The following ARHGAP35 variants were observed in gnomAD, a reference collection of about 807,000 sequenced individuals.
ARHGAP35 encodes Rho GTPase activating protein 35, also known as rho GTPase-activating protein 35.
In ARHGAP35, 15 loss-of-function variants were observed where a neutral mutation model predicts 111.1. The ratio of observed to expected loss-of-function variants is 0.13; its 90% confidence interval spans 0.09 to 0.21. ARHGAP35 has a LOEUF of 0.21. ARHGAP35 is among the 10% of genes least tolerant of loss of function. ARHGAP35 has a pLI of 1.00. For synonymous variants in ARHGAP35, 643 were observed against 710.3 expected, an observed-to-expected ratio of 0.91 and a Z score of 1.51; for missense variants, 1,262 against 1,873.0, an observed-to-expected ratio of 0.67 and a Z score of 6.02.
At chr19:46,935,207 C>G (rs2056300386) in intron 2 of ARHGAP35, among the ~76,000 whole-genome samples, 1 of 152,212 alleles carries the variant, frequency 6.6e-6, no homozygotes, top group Admixed American at 6.5e-5. Context: ...GAGCAGGTAT[C>G]TCACAGTGAG....
chr19:46,909,474 C>A (rs1478654170), intron 1 of ARHGAP35, among the ~76,000 whole-genome samples: 1 of 152,088 alleles, frequency 6.6e-6, no homozygotes, highest in Admixed American at 6.6e-5. Flanking sequence ...AATCAATATC[C>A]AAGAATCTGT....
chr19:46,999,592 C>A lies in ARHGAP35; in HGVS notation c.4142+183C>A. On this transcript the variant is annotated intron_variant, in intron 6 of 6. Coordinates refer to ENST00000672722, the MANE Select transcript of ARHGAP35 (RefSeq NM_004491.5). This position sits in a 1 kb window ranked among gnomAD's most constrained non-coding sequence, Gnocchi z 5.4. The stretch of plus-strand genomic sequence containing the variant: ...GTGCCCAGAGCCTCTGCCTCTCGCC[C>A]ATCCTCAGGCCTCCCTCCTGCTCCT... The A allele has an allele frequency of 3.4e-6, 2 of 589,656 alleles. No individual in the cohort carries two copies. The highest frequency in any genetic ancestry group is 6.0e-6 in the Non-Finnish European group (2 of 332,066). 36.5% of individuals were successfully genotyped at this position (589,656 alleles called of 1,614,324 possible). A position where few individuals can be genotyped will look rare whatever the true frequency, so the allele number is the denominator to read the frequency against.
At position 46,920,205 on chromosome 19, in the gene ARHGAP35, T is replaced by G. The variant is rs867491372; in HGVS notation, c.1530T>G (p.Ala510=). ...TGTTTTATGAACTGGAGCTGGATGC[T>G]AAGCCCAGCAAGGAGAAGATGGGTG... is the stretch of plus-strand genomic sequence containing the variant. ...SELFYELELD[A]KPSKEKMGVI... The change falls in exon 2 of 7, where the codon GCT becomes GCG. Residue 510 remains alanine, a synonymous_variant. Transcript: ENST00000672722. The surrounding 1 kb of genome is among the most constrained non-coding windows in gnomAD (Gnocchi z 7.0). 1 of 1,613,950 alleles carries G rather than the reference T, an allele frequency of 6.2e-7. No individual in the cohort carries two copies. Among genetic ancestry groups the G allele is most frequent in the Middle Eastern group, 1.6e-4 (1 of 6,062 alleles).
chr19:46,888,106 C>T (rs568916719), intron 1 of ARHGAP35, among the ~76,000 whole-genome samples: 12 of 150,310 alleles, frequency 8.0e-5, no homozygotes, highest in African/African-American at 2.9e-4. Context: ...CGCCCGCCAC[C>T]ACGCCTGGCT....
chr19:46,944,609 G>A (rs541200070), intron 3 of ARHGAP35, among the ~76,000 whole-genome samples: 1 of 152,270 alleles, frequency 6.6e-6, no homozygotes, highest in East Asian at 1.9e-4. Context: ...TGCAAGAGCT[G>A]GTATGAGAGG....
chr19:46,894,193 C>T (rs961505720), intron 1 of ARHGAP35, among the ~76,000 whole-genome samples: 1 of 152,082 alleles, frequency 6.6e-6, no homozygotes, highest in Non-Finnish European at 1.5e-5. Context: ...AATTATTTTC[C>T]ACACTACTTG....
In ARHGAP35 at chr19:46,993,324, G is replaced by A. The variant is rs2056689262; in HGVS notation, c.4036+3649G>A. ...TCCTGGCGATGCAGGCGTGCAGATG[G>A]TCAGCGGCGGCCAGCAGGGACTTTC... is the stretch of plus-strand genomic sequence containing the variant. On this transcript the variant is annotated intron_variant, in intron 5 of 6. Transcript: ENST00000672722. This position sits in a 1 kb window ranked among gnomAD's most constrained non-coding sequence, Gnocchi z 4.6. Among the ~76,000 whole-genome samples the A allele has an allele frequency of 6.6e-6, 1 of 152,238 alleles. No homozygotes were observed. Among genetic ancestry groups the A allele is most frequent in the Non-Finnish European group, 1.5e-5 (1 of 68,040 alleles).
chr19:46,990,202 C>T (rs1235153545), intron 5 of ARHGAP35, among the ~76,000 whole-genome samples: 1 of 152,216 alleles, frequency 6.6e-6, no homozygotes. Flanking sequence ...AAAGAGATGA[C>T]TCCAGTGGCC....
chr19:46,949,733 T>A (rs1269196456), intron 3 of ARHGAP35, among the ~76,000 whole-genome samples: 1 of 152,192 alleles, frequency 6.6e-6, no homozygotes, highest in Non-Finnish European at 1.5e-5. Flanking sequence ...TCCTTCAAAT[T>A]GGGAATTAAA....
chr19:46,953,955 A>G (rs147727296), intron 3 of ARHGAP35, among the ~76,000 whole-genome samples: 3 of 152,094 alleles, frequency 2.0e-5, no homozygotes, highest in African/African-American at 7.2e-5. Flanking sequence ...TCCTTTCCGA[A>G]GCCTTCACAC....
chr19:46,936,281 G>A (rs2056306732), intron 2 of ARHGAP35, among the ~76,000 whole-genome samples: 1 of 152,120 alleles, frequency 6.6e-6, no homozygotes, highest in Non-Finnish European at 1.5e-5. Flanking sequence ...AACTTAGTCT[G>A]TGCATAGTAA....
At chr19:46,892,404 T>G (rs1024893870) in intron 1 of ARHGAP35, among the ~76,000 whole-genome samples, 10 of 145,320 alleles carry the variant, frequency 6.9e-5, no homozygotes, top group Non-Finnish European at 1.5e-4. Context: ...GAGGGAAGTC[T>G]AGGCTGTAGT....
Position 46,993,178 on chromosome 19 carries a change from T to G in ARHGAP35, c.4036+3503T>G, listed in dbSNP as rs2056688223. 6.6e-6 allele frequency among the ~76,000 whole-genome samples: 1 copy of G among 152,264 alleles called. No homozygotes were observed. Among genetic ancestry groups the G allele is most frequent in the South Asian group, 2.1e-4 (1 of 4,836 alleles). On this transcript the variant is annotated intron_variant, in intron 5 of 6. Coordinates refer to ENST00000672722, the MANE Select transcript of ARHGAP35 (RefSeq NM_004491.5). This position sits in a 1 kb window ranked among gnomAD's most constrained non-coding sequence, Gnocchi z 4.6. ...GAAGGACAGCTTGGATTCTCCATCCTGAGCCCTGCAGAGTGAGGTCTTGGC... is the reference window on the plus strand; with the variant it reads ...GAAGGACAGCTTGGATTCTCCATCCGGAGCCCTGCAGAGTGAGGTCTTGGC...
intron 5 of ARHGAP35, among the ~76,000 whole-genome samples, chr19:46,998,259 A>G (rs1355754911): frequency 2.6e-5 from 4 of 152,054 alleles, no homozygotes; most frequent in Non-Finnish European, 4.4e-5. Flanking sequence ...CCCATTAGCA[A>G]TCATCTGCGC....
At chr19:46,971,656 C>T (rs1213194700) in intron 3 of ARHGAP35, among the ~76,000 whole-genome samples, 1 of 151,750 alleles carries the variant, frequency 6.6e-6, no homozygotes, top group African/African-American at 2.4e-5. Context: ...CACGCCACCA[C>T]ACCTGGCTAA....
chr19:46,885,140 G>A (rs1207685739), intron 1 of ARHGAP35, among the ~76,000 whole-genome samples: 2 of 152,164 alleles, frequency 1.3e-5, no homozygotes, highest in Admixed American at 6.5e-5. Context: ...AGGATGGATT[G>A]GACTTTTGAA....
chr19:46,987,886 A>G, intron 3 of ARHGAP35, 103 bp from the exon 4 acceptor site: 1 of 1,074,298 alleles, frequency 9.3e-7, no homozygotes, highest in East Asian at 2.6e-5. Context: ...TGTGGTGGGC[A>G]CCTCATGGAC....
intron 1 of ARHGAP35, among the ~76,000 whole-genome samples, chr19:46,866,394 C>T (rs2055857263): frequency 6.6e-6 from 1 of 152,202 alleles, no homozygotes; most frequent in Non-Finnish European, 1.5e-5. Context: ...GGCATTGTGA[C>T]AGGCTTCCTG....
chr19:46,944,351 A>G, intron 3 of ARHGAP35, among the ~76,000 whole-genome samples: 1 of 151,992 alleles, frequency 6.6e-6, no homozygotes, highest in Middle Eastern at 3.2e-3. Context: ...CAAATTAATC[A>G]TTATAGATAT....
Sources: gnomAD v4.1 joint callset for allele counts (sites outside exome capture counted in the v4.1 genomes callset) on GRCh38, gnomAD v4.1.1 for gene constraint, Gnocchi (gnomAD v3.1) non-coding constraint, MANE v1.5 for transcripts, NCBI Gene and HGNC (gene_info 2026-07-23, HGNC 2026-07-21) for gene names.